FYCO1: variants seen among roughly 807,000 people sequenced by gnomAD.
FYCO1 encodes the protein FYVE and coiled-coil domain-containing protein 1.
Under a neutral mutation model 165.1 loss-of-function variants are expected in FYCO1, and 122 were observed. The ratio of observed to expected loss-of-function variants is 0.74; its 90% CI spans 0.64 to 0.86. FYCO1 has a LOEUF of 0.86. FYCO1 is among the 40% of genes least tolerant of loss of function. FYCO1 has a pLI of 0.00. For missense variants in FYCO1, 1,702 were observed against 1,810.3 expected, an observed-to-expected ratio of 0.94 and a Z score of 1.09; for synonymous variants, 648 against 742.5, an observed-to-expected ratio of 0.87 and a Z score of 2.07.
chr3:45,967,554 C>T lies in FYCO1; in HGVS notation c.1780G>A (p.Gly594Ser), dbSNP rs1706140306. Reference protein sequence around the residue: ...AWGKPEEEQRGLQEAQLDDTK... With the variant: ...AWGKPEEEQRSLQEAQLDDTK... ...TCGTCTAACTGTGCCTCCTGCAGGC[C>T]CCTCTGCTCCTCCTCTGGCTTCCCC... Residue 594 changes from glycine to serine, a missense_variant, in exon 8 of 18, where the codon GGC becomes AGC. Transcript: ENST00000296137. The T allele has an allele frequency of 1.2e-6, 2 of 1,613,960 alleles. No homozygotes were observed. The highest frequency in any genetic ancestry group is 1.1e-5 in the South Asian group (1 of 91,078).
At chr3:45,955,150 T>A in intron 14 of FYCO1, 99 bp downstream of exon 14, 1 of 1,396,784 alleles carries the variant, frequency 7.2e-7, no homozygotes, top group Non-Finnish European at 1.0e-6. Flanking sequence ...GGACAGTCAA[T>A]CCTGCTTCCA....
Position 45,966,747 on chromosome 3 carries a change from C to T in FYCO1, c.2587G>A (p.Ala863Thr), listed in dbSNP as rs370891617. 4.3e-6 allele frequency: 7 copies of T among 1,610,852 alleles called. No individual in the cohort carries two copies. The highest frequency in any genetic ancestry group is 2.2e-5 in the East Asian group (1 of 44,880). The change falls in exon 8 of 18, where the codon GCC becomes ACC. Residue 863 changes from alanine (A) to threonine (T), a missense_variant. By Grantham distance (58) the Ala-to-Thr change is moderately conservative (BLOSUM62 0). Transcript: ENST00000296137. ...CGCAGCTCCTCCTCCCTCTGCTGGG[C>T]CTCATCGGCCCTCTCCTCCTGCAGT... Reference protein sequence around the residue: ...GALQEERADEAQQREEELRAL... With the variant: ...GALQEERADETQQREEELRAL...
intron 1 of FYCO1, among the ~76,000 whole-genome samples, chr3:45,992,140 T>C (rs1456340858): frequency 6.6e-6 from 1 of 152,190 alleles, no homozygotes; most frequent in African/African-American, 2.4e-5. Flanking sequence ...GTTTGTGGTA[T>C]TTTGTTATGG....
chr3:45,947,601 G>A (rs374235799), intron 14 of FYCO1: 3 of 1,005,298 alleles, frequency 3.0e-6, no homozygotes, highest in South Asian at 3.1e-5. Context: ...TTTATAGCTT[G>A]CGCATTCTCA....
At chr3:45,956,622 A>G (rs756359474) in intron 13 of FYCO1, among the ~76,000 whole-genome samples, 4 of 152,196 alleles carry the variant, frequency 2.6e-5, no homozygotes, top group African/African-American at 7.2e-5. Flanking sequence ...AGGCTGAAAA[A>G]AGGGGCCAGG....
Position 45,968,217 on chromosome 3 carries a change from C to A in FYCO1, c.1117G>T (p.Ala373Ser). 6.2e-7 allele frequency: 1 copy of A among 1,614,022 alleles called. No individual in the cohort carries two copies. The highest frequency in any genetic ancestry group is 1.3e-5 in the African/African-American group (1 of 75,054). ...QHLASFPGWL[A>S]MAQQKADTAS... ...GTATCTGCCTTCTGCTGAGCCATGG[C>A]TAGCCAGCCTGGGAAGCTGGCTAAA... Residue 373 changes from alanine to serine, a missense_variant, in exon 8 of 18, where the codon GCC becomes TCC. By Grantham distance (99) the Ala-to-Ser change is moderately conservative (BLOSUM62 1). Transcript: ENST00000296137.
intron 1 of FYCO1, among the ~76,000 whole-genome samples, chr3:45,989,730 A>G (rs776758017): frequency 3.9e-5 from 6 of 152,158 alleles, no homozygotes; most frequent in Non-Finnish European, 8.8e-5. Context: ...CCCCACCAAC[A>G]ATAGCAGTTT....
chr3:45,981,701 G>C, intron 2 of FYCO1, 25 bp from the exon 3 acceptor site: 2 of 1,488,008 alleles, frequency 1.3e-6, no homozygotes. Context: ...ATAGGAACAT[G>C]TAACCAGATA....
At chr3:45,939,064 C>G (rs1704059583) in intron 14 of FYCO1, among the ~76,000 whole-genome samples, 1 of 152,232 alleles carries the variant, frequency 6.6e-6, no homozygotes, top group Non-Finnish European at 1.5e-5. Flanking sequence ...TCCCCTTGCT[C>G]TGGTCATGGC....
rs1234229235 is a variant in FYCO1 at position 45,968,379 on chromosome 3, G to T, written c.955C>A (p.Leu319Met). The T allele has an allele frequency of 6.2e-7, 1 of 1,613,648 alleles. No homozygotes were observed. Among genetic ancestry groups the T allele is most frequent in the Admixed American group, 1.7e-5 (1 of 60,028 alleles). Residue 319 changes from leucine to methionine, a missense_variant, in exon 8 of 18, where the codon CTG (leucine) becomes ATG (methionine). Coordinates refer to ENST00000296137, the MANE Select transcript of FYCO1 (RefSeq NM_024513.4). ...GCTGCTCCTAGCTCCAGGCCCTGCA[G>T]GCATGTCTGCAGCTCCTTCACAGTG... Reference protein sequence around the residue: ...QNTVKELQTCLQGLELGAAEK... With the variant: ...QNTVKELQTCMQGLELGAAEK...
At chr3:45,968,788 G>A in intron 7 of FYCO1, 85 bp from the exon 8 acceptor site, 2 of 1,534,976 alleles carry the variant, frequency 1.3e-6, no homozygotes, top group Non-Finnish European at 1.8e-6. Flanking sequence ...AATGAGAGCA[G>A]AGGTAAAAAT....
intron 14 of FYCO1, among the ~76,000 whole-genome samples, chr3:45,937,816 C>A (rs1703983355): frequency 6.6e-6 from 1 of 152,196 alleles, no homozygotes; most frequent in African/African-American, 2.4e-5. Context: ...CCTAACACCT[C>A]CTTCTTTTTG....
At chr3:45,985,560 G>T (rs981446855) in intron 1 of FYCO1, among the ~76,000 whole-genome samples, 1 of 152,224 alleles carries the variant, frequency 6.6e-6, no homozygotes, top group African/African-American at 2.4e-5. Context: ...AAGGAAAGCC[G>T]GGCTTGCCTG....
At chr3:45,927,552 A>C (rs181060028) in intron 16 of FYCO1, among the ~76,000 whole-genome samples, 2 of 152,328 alleles carry the variant, frequency 1.3e-5, no homozygotes, top group Non-Finnish European at 2.9e-5. Context: ...CGGGCCCCTG[A>C]CAAGGCTGGA....
At chr3:45,988,957 A>G (rs938064648) in intron 1 of FYCO1, among the ~76,000 whole-genome samples, 1 of 152,210 alleles carries the variant, frequency 6.6e-6, no homozygotes, top group Non-Finnish European at 1.5e-5. Flanking sequence ...TAAGATACAA[A>G]GATGCTGACT....
rs774459862 is a variant in FYCO1 at position 45,984,868 on chromosome 3, G to A, written c.43C>T (p.Arg15Ter). Residue 15 changes from arginine (R) to a stop codon, truncating the protein, a stop_gained, in exon 2 of 18, where the codon CGA becomes TGA. Transcript: ENST00000296137. LOFTEE classifies it high-confidence loss of function. Reference sequence around the variant, plus strand: ...CAACCTACCATACCTTGCAAGTCTCGGATGATTCTCTGGAGCTGGCTCTCT... The same window carrying A: ...CAACCTACCATACCTTGCAAGTCTCAGATGATTCTCTGGAGCTGGCTCTCT... ...NAESQLQRII[R>*]DLQDAVTELS... The A allele has an allele frequency of 6.8e-6, 11 of 1,614,062 alleles. No individual in the cohort carries two copies. The highest frequency in any genetic ancestry group is 2.2e-5 in the East Asian group (1 of 44,898).
chr3:45,962,443 C>T lies in FYCO1; in HGVS notation c.3270-51G>A, dbSNP rs1422529304. ...TGATTAGCCAGGACTTCCAGCTTTC[C>T]CAGGGCTCTAAGCTCACCCAGGACT... is the stretch of plus-strand genomic sequence containing the variant. On this transcript the variant is annotated intron_variant, in intron 10 of 17. Transcript: ENST00000296137. This position sits in a 1 kb window ranked among gnomAD's most constrained non-coding sequence, Gnocchi z 4.4. 1.3e-6 allele frequency: 2 copies of T among 1,561,470 alleles called. No individual in the cohort carries two copies. Among genetic ancestry groups the T allele is most frequent in the South Asian group, 2.2e-5 (2 of 89,944 alleles).
chr3:45,952,182 G>A (rs979278516), intron 14 of FYCO1, among the ~76,000 whole-genome samples: 7 of 152,192 alleles, frequency 4.6e-5, no homozygotes, highest in Non-Finnish European at 5.9e-5. Flanking sequence ...CAAGGGAGGC[G>A]CTCAACAGCA....
In FYCO1 at chr3:45,966,627, T is replaced by C; in HGVS notation, c.2707A>G (p.Thr903Ala). 1 of 1,614,174 alleles carries C rather than the reference T, an allele frequency of 6.2e-7. No homozygotes were observed. The highest frequency in any genetic ancestry group is 1.3e-5 in the African/African-American group (1 of 75,070). The change falls in exon 8 of 18, where the codon ACA becomes GCA. Residue 903 changes from threonine (T) to alanine (A), a missense_variant. Transcript: ENST00000296137. ...TGGATGCCCAGCTCAGCTGTGTCTG[T>C]GTTGGCCCGGTGCAGCTGCTCTTGC... ...ELQEQLHRAN[T>A]DTAELGIQVC...
Sources: gnomAD v4.1 joint callset for allele counts (sites outside exome capture counted in the v4.1 genomes callset) on GRCh38, gnomAD v4.1.1 for gene constraint, Gnocchi (gnomAD v3.1) non-coding constraint, MANE v1.5 for transcripts, NCBI Gene and HGNC (gene_info 2026-07-23, HGNC 2026-07-21) for gene names.